The following ZNF106 variants were observed in gnomAD, a reference collection of about 807,000 sequenced individuals.
The protein encoded by ZNF106 is zinc finger protein 106, also known as SH3-domain binding protein 3.
ZNF106 carries 67 observed loss-of-function variants against 195.1 expected under a neutral mutation model. The observed-to-expected ratio is 0.34, with a 90% CI of 0.28 to 0.42. The LOEUF is 0.42. ZNF106 is among the 10% of genes least tolerant of loss of function. ZNF106 has a pLI of 1.00. For synonymous variants in ZNF106, 784 were observed against 818.6 expected (o/e 0.96, Z 0.72); for missense variants, 2,118 against 2,304.5 (o/e 0.92, Z 1.66).
chr15:42,448,814 G>C (rs2055871624), intron 5 of ZNF106, 109 bp from the exon 6 acceptor site: 1 of 1,174,478 alleles, frequency 8.5e-7, no homozygotes, highest in Non-Finnish European at 1.2e-6. Context: ...TAAAAAGTAA[G>C]GTGGCTCTTG....
At position 42,413,943 on chromosome 15, in the gene ZNF106, A is replaced by C. The variant is rs1377073768; in HGVS notation, c.*3361T>G. 1.3e-5 allele frequency: 2 copies of C among 152,244 alleles called. No homozygotes were observed. The highest frequency in any genetic ancestry group is 6.5e-5 in the Admixed American group (1 of 15,288). The allele number at this position is 152,244 out of a possible 1,614,324, so 9.4% of individuals were successfully genotyped here. ...AACCTAATTAAAAACTTTCACAGAAAACTTGAAGTGACTGATACTTTATCA... is the reference window on the plus strand; with the variant it reads ...AACCTAATTAAAAACTTTCACAGAACACTTGAAGTGACTGATACTTTATCA... On this transcript the variant is annotated 3_prime_UTR_variant, in exon 22 of 22. Transcript: ENST00000564754.
chr15:42,490,044 A>AAAT (rs2057111682), intron 1 of ZNF106, among the ~76,000 whole-genome samples: 1 of 151,674 alleles, frequency 6.6e-6, no homozygotes, highest in Admixed American at 6.6e-5. Context: ...GTCCTAAAAA[A>AAAT]AATAATAATA....
rs774742611 is a variant in ZNF106, at chr15:42,448,334, C to T, written c.2873G>A (p.Arg958Gln). 1.1e-5 allele frequency: 18 copies of T among 1,614,144 alleles called. No individual in the cohort carries two copies. Among genetic ancestry groups the T allele is most frequent in the South Asian group, 1.1e-4 (10 of 91,086 alleles). The change falls in exon 6 of 22, where the codon CGA (arginine) becomes CAA (glutamine). Residue 958 changes from arginine to glutamine, a missense_variant. By Grantham distance (43) the Arg-to-Gln change is conservative (BLOSUM62 1). Transcript: ENST00000564754. ...GTCAGAGGATAATTGTGCACTATGT[C>T]GCCTTTGGGTAGCAACATTTTCAGC... is the stretch of plus-strand genomic sequence containing the variant. ...ERAENVATQR[R>Q]HSAQLSSDHI...
chr15:42,444,167 T>C (rs371652220), intron 9 of ZNF106, 35 bp downstream of exon 9: 7 of 1,091,586 alleles, frequency 6.4e-6, no homozygotes, highest in African/African-American at 4.8e-5. Context: ...TAACACGCTA[T>C]AGAGGGCCCA....
chr15:42,467,164 G>GTACACA lies in ZNF106; in HGVS notation c.55-1056_55-1051dup, dbSNP rs142887480. Among the ~76,000 whole-genome samples the GTACACA allele has an allele frequency of 5.9e-5, 9 of 152,106 alleles. No individual in the cohort carries two copies. The South Asian group carries it at 1.5e-3, about 25-fold the overall frequency. ...GAAAAAAGAAAAAACATGCACACAT[G>GTACACA]TACACATACACATACACAAAACTCA... On this transcript the variant is annotated intron_variant, in intron 2 of 21. Transcript: ENST00000564754.
intron 13 of ZNF106, among the ~76,000 whole-genome samples, chr15:42,436,431 A>C (rs552182872): frequency 3.6e-4 from 54 of 150,696 alleles, no homozygotes; most frequent in African/African-American, 1.3e-3. Flanking sequence ...GTTAATCCTC[A>C]TATCATTAAG....
At chr15:42,421,275 G>T in intron 19 of ZNF106, 143 bp from the exon 20 acceptor site, 1 of 750,018 alleles carries the variant, frequency 1.3e-6, no homozygotes, top group Admixed American at 2.3e-5. Context: ...AGGAGAATGG[G>T]AAAGTATTTT....
chr15:42,419,732 A>G (rs886656802), intron 20 of ZNF106, among the ~76,000 whole-genome samples: 34 of 152,214 alleles, frequency 2.2e-4, no homozygotes, highest in African/African-American at 7.7e-4. Flanking sequence ...CAGGTGGTTC[A>G]CAAGGTCAGG....
chr15:42,424,430 T>G, intron 16 of ZNF106: 1 of 273,394 alleles, frequency 3.7e-6, no homozygotes, highest in East Asian at 7.7e-5. Context: ...TCCAAGGTGG[T>G]GCTTCTAAAT....
At chr15:42,422,066 G>A in intron 18 of ZNF106, 78 bp from the exon 19 acceptor site, 1 of 1,326,434 alleles carries the variant, frequency 7.5e-7, no homozygotes, top group East Asian at 2.4e-5. Flanking sequence ...AAGGCCTTTG[G>A]CAGGTTTAAA....
At chr15:42,488,279 C>T (rs931508080) in intron 1 of ZNF106, among the ~76,000 whole-genome samples, 8 of 152,194 alleles carry the variant, frequency 5.3e-5, no homozygotes, top group African/African-American at 1.7e-4. Flanking sequence ...TGCACACCCT[C>T]TTTTGCACCT....
In ZNF106 at chr15:42,413,509, A is replaced by G. The variant is rs533049781; in HGVS notation, c.*3795T>C. On this transcript the variant is annotated 3_prime_UTR_variant, in exon 22 of 22. Transcript: ENST00000564754. ...ATGTGCTGTTCAAATCCCACTTCAC[A>G]ATATACTTCAATCTCACCTCCAATG... 6.6e-6 allele frequency: 1 copy of G among 152,612 alleles called. No individual in the cohort carries two copies. The highest frequency in any genetic ancestry group is 1.5e-5 in the Non-Finnish European group (1 of 68,036). 9.5% of individuals were successfully genotyped at this position (152,612 alleles called of 1,614,324 possible).
chr15:42,442,306 G>C lies in ZNF106; in HGVS notation c.3530C>G (p.Pro1177Arg). The C allele has an allele frequency of 6.2e-7, 1 of 1,614,194 alleles. No homozygotes were observed. The highest frequency in any genetic ancestry group is 8.5e-7 in the Non-Finnish European group (1 of 1,180,040). The change falls in exon 10 of 22, where the codon CCC becomes CGC. Residue 1177 changes from proline to arginine, a missense_variant. Coordinates refer to ENST00000564754, the MANE Select transcript of ZNF106 (RefSeq NM_001366845.3). ...TSIDAALLPT[P>R]FFPLFLEPPS... is the part of the protein sequence containing the mutation. ...AGGCTCCAGAAAAAGTGGGAAAAAG[G>C]GAGTGGGCAGCAGTGCGGCATCAAT...
chr15:42,484,901 T>A (rs898550873), intron 1 of ZNF106, among the ~76,000 whole-genome samples: 2 of 152,234 alleles, frequency 1.3e-5, no homozygotes, highest in Admixed American at 1.3e-4. Context: ...AGCTCACGCC[T>A]GTAATCCCAG....
At chr15:42,481,037 T>C (rs1595498590) in intron 1 of ZNF106, among the ~76,000 whole-genome samples, 1 of 152,242 alleles carries the variant, frequency 6.6e-6, no homozygotes, top group Non-Finnish European at 1.5e-5. Context: ...TGCAACCATA[T>C]AGGCCCATTT....
chr15:42,456,327 C>T (rs1022533801), intron 4 of ZNF106, among the ~76,000 whole-genome samples: 1 of 152,054 alleles, frequency 6.6e-6, no homozygotes, highest in South Asian at 2.1e-4. Flanking sequence ...AATTTAAACG[C>T]CAAATAAAAA....
chr15:42,469,744 G>A (rs1056921149), intron 2 of ZNF106, among the ~76,000 whole-genome samples: 1 of 151,624 alleles, frequency 6.6e-6, no homozygotes, highest in African/African-American at 2.4e-5. Context: ...AGGCTGAGAC[G>A]GGAGCATCAC....
intron 19 of ZNF106, 45 bp from the exon 20 acceptor site, chr15:42,421,177 A>G: frequency 6.5e-7 from 1 of 1,547,236 alleles, no homozygotes; most frequent in Non-Finnish European, 8.9e-7. Flanking sequence ...ATACATACAA[A>G]CTACAAAACA....
At chr15:42,437,468 T>C in intron 12 of ZNF106, 91 bp from the exon 13 acceptor site, 3 of 1,438,704 alleles carry the variant, frequency 2.1e-6, no homozygotes, top group Non-Finnish European at 1.9e-6. Context: ...CAGTAGTCCC[T>C]AGATTAAACC....
Sources: gnomAD v4.1 joint callset for allele counts (sites outside exome capture counted in the v4.1 genomes callset) on GRCh38, gnomAD v4.1.1 for gene constraint, MANE v1.5 for transcripts, NCBI Gene and HGNC (gene_info 2026-07-23, HGNC 2026-07-21) for gene names.